Variants in LMO3 observed in about 807,000 individuals in gnomAD.
The protein encoded by LMO3 is LIM domain only protein 3.
A neutral mutation model predicts 15.8 loss-of-function variants in LMO3; 2 were observed. The ratio of observed to expected loss-of-function variants is 0.13; its 90% confidence interval spans 0.05 to 0.40. LMO3 has a LOEUF of 0.40. Among genes scored for constraint, LMO3 ranks in the 10% least tolerant of loss-of-function variants. The pLI is 0.99. For missense variants in LMO3, 86 were observed against 182.2 expected, an observed-to-expected ratio of 0.47 and a Z score of 3.04; for synonymous variants, 62 against 63.8, an observed-to-expected ratio of 0.97 and a Z score of 0.13.
At chr12:16,609,956 T>TG (rs1320059845), upstream of LMO3, 3 of 150,964 alleles carry the variant, frequency 2.0e-5, no homozygotes, top group Non-Finnish European at 4.4e-5. Flanking sequence ...GACAGGTTGT[T>TG]GGGGGGAGGC....
intron 2 of LMO3, among the ~76,000 whole-genome samples, chr12:16,581,375 A>G (rs1209319636): frequency 6.6e-6 from 1 of 152,162 alleles, no homozygotes; most frequent in African/African-American, 2.4e-5. Context: ...GGGTTTAATA[A>G]TACTGTAGTT....
chr12:16,564,170 T>TA (rs1384516516), intron 2 of LMO3, among the ~76,000 whole-genome samples: 1 of 152,180 alleles, frequency 6.6e-6, no homozygotes, highest in Non-Finnish European at 1.5e-5. Context: ...GACATGAATA[T>TA]AAAAATCAAA....
chr12:16,575,618 G>A (rs770136839), intron 2 of LMO3, among the ~76,000 whole-genome samples: 28 of 152,086 alleles, frequency 1.8e-4, no homozygotes. Context: ...AGGAAAATGA[G>A]GCATGCAGAA....
At chr12:16,571,474 A>G (rs1000057979) in intron 2 of LMO3, among the ~76,000 whole-genome samples, 1 of 152,082 alleles carries the variant, frequency 6.6e-6, no homozygotes, top group Non-Finnish European at 1.5e-5. Flanking sequence ...CATTTGAAAA[A>G]ATATATAGAT....
chr12:16,592,907 A>T (rs1325786135), intron 2 of LMO3, among the ~76,000 whole-genome samples: 2 of 151,930 alleles, frequency 1.3e-5, no homozygotes, highest in East Asian at 3.8e-4. Context: ...TAGAACTGCT[A>T]AAATAAAAAC....
rs1000775896 is a variant in LMO3 at position 16,591,111 on chromosome 12, G to A, written c.206+9544C>T. 4.6e-5 allele frequency among the ~76,000 whole-genome samples: 7 copies of A among 151,898 alleles called. No homozygotes were observed. The highest frequency in any genetic ancestry group is 7.3e-5 in the African/African-American group (3 of 41,364). ...CTAGGGGACATTTAGAAATGTATAC[G>A]GGGCATTGTTTGTTGCAACAGTGAT... On this transcript the variant is annotated intron_variant, in intron 2 of 3. Coordinates refer to ENST00000537304, the MANE Select transcript of LMO3 (RefSeq NM_018640.5). This position sits in a 1 kb window ranked among gnomAD's most constrained non-coding sequence, Gnocchi z 4.1.
At chr12:16,594,141 C>G (rs1473550642) in intron 2 of LMO3, 1 of 1,532,252 alleles carries the variant, frequency 6.5e-7, no homozygotes, top group South Asian at 1.2e-5. Flanking sequence ...GCTTACCAAG[C>G]TATGGTGATT....
upstream of LMO3, chr12:16,608,395 C>T (rs1294173536): frequency 2.0e-5 from 3 of 152,104 alleles, no homozygotes; most frequent in African/African-American, 7.2e-5. The surrounding 1 kb of genome is among the most constrained non-coding windows in gnomAD (Gnocchi z 4.1). Context: ...TAATTCATGG[C>T]AACTGATTAG....
upstream of LMO3, chr12:16,608,956 A>C (rs1464510027): frequency 6.6e-6 from 1 of 152,210 alleles, no homozygotes; most frequent in Non-Finnish European, 1.5e-5. This position sits in a 1 kb window ranked among gnomAD's most constrained non-coding sequence, Gnocchi z 4.1. Context: ...AGGTTTTGTC[A>C]TGAATTAAAT....
rs962268804 is a variant in LMO3 at position 16,576,739 on chromosome 12, C to T, written c.207-16201G>A. ...ATGGAAATTAACATTCTTGCATTGT[C>T]CAACTATATAGACTGCATACAGGGA... On this transcript the variant is annotated intron_variant, in intron 2 of 3. Transcript: ENST00000537304. This position sits in a 1 kb window ranked among gnomAD's most constrained non-coding sequence, Gnocchi z 4.1. Among the ~76,000 whole-genome samples the T allele has an allele frequency of 7.9e-5, 12 of 152,100 alleles. No individual in the cohort carries two copies. The highest frequency in any genetic ancestry group is 1.2e-4 in the Non-Finnish European group (8 of 68,012).
intron 2 of LMO3, among the ~76,000 whole-genome samples, chr12:16,588,197 G>A (rs1943379906): frequency 6.6e-6 from 1 of 151,526 alleles, no homozygotes; most frequent in African/African-American, 2.4e-5. Context: ...TTTAAACATT[G>A]TTTTCATAAT....
Position 16,555,913 on chromosome 12 carries a change from C to A in LMO3, c.332+4500G>T, listed in dbSNP as rs1227147562. The stretch of plus-strand genomic sequence containing the variant: ...TTTTTTCAAGACCCAGCATATCAGG[C>A]CTTTGATGCTTCCCTAACACTTCAA... On this transcript the variant is annotated intron_variant, in intron 3 of 3. Transcript: ENST00000537304. This position sits in a 1 kb window ranked among gnomAD's most constrained non-coding sequence, Gnocchi z 5.5. Among the ~76,000 whole-genome samples the A allele has an allele frequency of 1.3e-5, 2 of 152,106 alleles. No individual in the cohort carries two copies. The highest frequency in any genetic ancestry group is 2.9e-5 in the Non-Finnish European group (2 of 68,018).
At chr12:16,588,934 C>T (rs1943406812) in intron 2 of LMO3, among the ~76,000 whole-genome samples, 1 of 152,120 alleles carries the variant, frequency 6.6e-6, no homozygotes, top group Admixed American at 6.6e-5. Flanking sequence ...ATGTGTACCG[C>T]TCTTTCCCTA....
intron 2 of LMO3, among the ~76,000 whole-genome samples, chr12:16,571,861 A>G (rs552239844): frequency 6.6e-6 from 1 of 152,088 alleles, no homozygotes; most frequent in Non-Finnish European, 1.5e-5. Flanking sequence ...CTTAAAACTC[A>G]TTGAAAAGGG....
intron 2 of LMO3, among the ~76,000 whole-genome samples, chr12:16,575,708 T>G (rs1942972262): frequency 6.6e-6 from 1 of 152,146 alleles, no homozygotes; most frequent in African/African-American, 2.4e-5. Flanking sequence ...GGATTTCCCC[T>G]CTTGTGTCAA....
chr12:16,569,352 AG>A (rs1339282730), intron 2 of LMO3, among the ~76,000 whole-genome samples: 1 of 152,168 alleles, frequency 6.6e-6, no homozygotes, highest in Non-Finnish European at 1.5e-5. Flanking sequence ...AAAAGTCTCT[AG>A]GTTTCTGGAC....
Position 16,586,382 on chromosome 12 carries a change from G to A in LMO3, c.206+14273C>T, listed in dbSNP as rs1943320784. On this transcript the variant is annotated intron_variant, in intron 2 of 3. Transcript: ENST00000537304. This position sits in a 1 kb window ranked among gnomAD's most constrained non-coding sequence, Gnocchi z 4.3. ...AGAACCACTGCATGGCTGTGGCAAG[G>A]AGAGCGGAGGATCCTAATCTTCCCC... Among the ~76,000 whole-genome samples, 1 of 152,162 alleles carries A rather than the reference G, an allele frequency of 6.6e-6. No homozygotes were observed.
chr12:16,568,422 CTCCAA>C (rs1942693659), intron 2 of LMO3, among the ~76,000 whole-genome samples: 1 of 151,438 alleles, frequency 6.6e-6, no homozygotes, highest in Non-Finnish European at 1.5e-5. Context: ...TCTCCCCAAC[CTCCAA>C]TCCACTCATA....
At chr12:16,561,999 T>G (rs1210305422) in intron 2 of LMO3, among the ~76,000 whole-genome samples, 2 of 152,234 alleles carry the variant, frequency 1.3e-5, no homozygotes, top group Non-Finnish European at 2.9e-5. Flanking sequence ...TACTTTAGTA[T>G]GCTTATTTTA....
Sources: allele counts gnomAD v4.1 joint callset (sites outside exome capture counted in the v4.1 genomes callset), GRCh38; gene constraint gnomAD v4.1.1; non-coding constraint Gnocchi (gnomAD v3.1); transcripts MANE v1.5; gene names NCBI Gene and HGNC (gene_info 2026-07-23, HGNC 2026-07-21).